The following NAPG variants were observed in gnomAD, a reference collection of about 807,000 sequenced individuals.
NAPG encodes the protein gamma-soluble NSF attachment protein.
A neutral mutation model predicts 48.4 loss-of-function variants in NAPG; 25 were observed. The ratio of observed to expected loss-of-function variants is 0.52; its 90% confidence interval spans 0.38 to 0.72. NAPG has a LOEUF of 0.72. Ranked by LOEUF, NAPG falls within the 30% of genes least tolerant of loss-of-function variation. The pLI, the probability that NAPG is intolerant of heterozygous loss-of-function variation, is 0.00. For synonymous variants in NAPG, 139 were observed against 127.2 expected (o/e 1.09, Z -0.62); for missense variants, 359 against 372.5 (o/e 0.96, Z 0.30).
rs1326331029 is a variant in NAPG, at chr18:10,543,373, A to T, written c.507-2953A>T. 6.6e-6 allele frequency among the ~76,000 whole-genome samples: 1 copy of T among 152,116 alleles called. No homozygotes were observed. Among genetic ancestry groups the T allele is most frequent in the Non-Finnish European group, 1.5e-5 (1 of 68,006 alleles). On this transcript the variant is annotated intron_variant, in intron 8 of 11. Coordinates refer to ENST00000322897, the MANE Select transcript of NAPG (RefSeq NM_003826.3). The surrounding 1 kb of genome is among the most constrained non-coding windows in gnomAD (Gnocchi z 4.4). ...GGGTGTGTATATGTTCAGGGGTGGGATGTGTGCTATTAAGGAGAATCACTG... is the reference window on the plus strand; with the variant it reads ...GGGTGTGTATATGTTCAGGGGTGGGTTGTGTGCTATTAAGGAGAATCACTG...
intron 1 of NAPG, among the ~76,000 whole-genome samples, chr18:10,528,376 G>A (rs1349521827): frequency 6.6e-6 from 1 of 152,174 alleles, no homozygotes; most frequent in African/African-American, 2.4e-5. Context: ...GGGCAGACAA[G>A]TTAACAGAGG....
Position 10,534,991 on chromosome 18 carries a change from T to C in NAPG, c.258+495T>C, listed in dbSNP as rs1047315870. 2.6e-5 allele frequency among the ~76,000 whole-genome samples: 4 copies of C among 152,274 alleles called. No homozygotes were observed. The highest frequency in any genetic ancestry group is 2.6e-4 in the Admixed American group (4 of 15,280). ...ACTAATGTACCTGTGCCACTGTTTG[T>C]ACTTCTGCTCCTCAAAAGCAGGCCA... is the stretch of plus-strand genomic sequence containing the variant. On this transcript the variant is annotated intron_variant, in intron 5 of 11. Transcript: ENST00000322897. This position sits in a 1 kb window ranked among gnomAD's most constrained non-coding sequence, Gnocchi z 5.0.
Position 10,550,229 on chromosome 18 carries a change from T to G in NAPG, c.*9T>G, listed in dbSNP as rs2032360108. On this transcript the variant is annotated 3_prime_UTR_variant, in exon 12 of 12. Transcript: ENST00000322897. ...CAGGAGGACTATGCTAGTATTTTGCTTGCTGAAAAGAAAAGGGAAACAAAG... is the reference window on the plus strand; with the variant it reads ...CAGGAGGACTATGCTAGTATTTTGCGTGCTGAAAAGAAAAGGGAAACAAAG... 2 of 1,564,766 alleles carry G rather than the reference T, an allele frequency of 1.3e-6. No homozygotes were observed. The highest frequency in any genetic ancestry group is 2.8e-5 in the African/African-American group (2 of 71,546).
chr18:10,529,073 T>A (rs530656742), intron 1 of NAPG, among the ~76,000 whole-genome samples: 4 of 152,240 alleles, frequency 2.6e-5, no homozygotes, highest in Non-Finnish European at 5.9e-5. Context: ...AAATTAGCTG[T>A]ATATCTTTCT....
chr18:10,538,456 A>G (rs2032080802), intron 5 of NAPG, among the ~76,000 whole-genome samples: 1 of 152,194 alleles, frequency 6.6e-6, no homozygotes, highest in Admixed American at 6.5e-5. Flanking sequence ...TACTGCATGG[A>G]TCAAGCAAAA....
rs929157629 is a variant in NAPG, at chr18:10,533,652, A to G, written c.227+99A>G. Reference sequence around the variant, plus strand: ...TTTTTTCCCAAATTATAAATTTTGTATTGATTTAAATAATAATCATTTCTC... The same window carrying G: ...TTTTTTCCCAAATTATAAATTTTGTGTTGATTTAAATAATAATCATTTCTC... On this transcript the variant is annotated intron_variant, in intron 4 of 11. Transcript: ENST00000322897. 4 of 978,916 alleles carry G rather than the reference A, an allele frequency of 4.1e-6. No individual in the cohort carries two copies. The African/African-American group carries it at 5.1e-5, about 12-fold the overall frequency. The allele number at this position is 978,916 out of a possible 1,614,324, so 60.6% of individuals were successfully genotyped here.
chr18:10,526,505 G>A, intron 1 of NAPG: 3 of 293,566 alleles, frequency 1.0e-5, no homozygotes, highest in South Asian at 5.3e-5. Context: ...TCGGAGGCTC[G>A]TTAGCAGCAT....
At position 10,548,759 on chromosome 18, in the gene NAPG, T is replaced by C. The variant is rs1408882837; in HGVS notation, c.666-208T>C. ...CAACACTGTTAACATTTGGGCTGGATAATTCTTTGTGGTCGGGCCTGTCCT... is the reference window on the plus strand; with the variant it reads ...CAACACTGTTAACATTTGGGCTGGACAATTCTTTGTGGTCGGGCCTGTCCT... On this transcript the variant is annotated intron_variant, in intron 10 of 11. Coordinates refer to ENST00000322897, the MANE Select transcript of NAPG (RefSeq NM_003826.3). This position sits in a 1 kb window ranked among gnomAD's most constrained non-coding sequence, Gnocchi z 4.4. Among the ~76,000 whole-genome samples the C allele has an allele frequency of 2.6e-5, 4 of 152,204 alleles. No individual in the cohort carries two copies. Among genetic ancestry groups the C allele is most frequent in the African/African-American group, 9.7e-5 (4 of 41,446 alleles).
At chr18:10,528,990 A>T (rs2031874981) in intron 1 of NAPG, among the ~76,000 whole-genome samples, 1 of 152,124 alleles carries the variant, frequency 6.6e-6, no homozygotes, top group African/African-American at 2.4e-5. Context: ...TTTTCTGTGG[A>T]AATTGGTCAG....
chr18:10,547,288 C>A (rs2032289510), intron 9 of NAPG, among the ~76,000 whole-genome samples: 1 of 152,200 alleles, frequency 6.6e-6, no homozygotes, highest in East Asian at 1.9e-4. Context: ...GGGTGATTAC[C>A]TGCTGAAAAC....
chr18:10,541,545 G>T (rs2032157668), intron 8 of NAPG, among the ~76,000 whole-genome samples: 1 of 152,168 alleles, frequency 6.6e-6, no homozygotes, highest in Non-Finnish European at 1.5e-5. Context: ...GAACTGTGAG[G>T]TGATACCAAG....
Position 10,542,185 on chromosome 18 carries a change from A to G in NAPG, c.506+1786A>G, listed in dbSNP as rs1368223721. Among the ~76,000 whole-genome samples the G allele has an allele frequency of 6.6e-6, 1 of 151,824 alleles. No individual in the cohort carries two copies. The highest frequency in any genetic ancestry group is 1.9e-4 in the East Asian group (1 of 5,194). ...CTGCGTAGATGTGCTCAAAGGGCAC[A>G]TTTATAAATCCAGGGCTTTTATTCG... On this transcript the variant is annotated intron_variant, in intron 8 of 11. Coordinates refer to ENST00000322897, the MANE Select transcript of NAPG (RefSeq NM_003826.3). This position sits in a 1 kb window ranked among gnomAD's most constrained non-coding sequence, Gnocchi z 4.5.
chr18:10,531,687 T>C (rs2143095768), intron 2 of NAPG, among the ~76,000 whole-genome samples: 1 of 152,362 alleles, frequency 6.6e-6, no homozygotes, highest in African/African-American at 2.4e-5. Flanking sequence ...GTTCAAACTT[T>C]GTATGAATTT....
chr18:10,546,463 G>GA lies in NAPG; in HGVS notation c.585+61dup. 1 of 936,748 alleles carries GA rather than the reference G, an allele frequency of 1.1e-6. No individual in the cohort carries two copies. The highest frequency in any genetic ancestry group is 1.6e-6 in the Non-Finnish European group (1 of 627,318). 58.0% of individuals were successfully genotyped at this position (936,748 alleles called of 1,614,324 possible). On this transcript the variant is annotated intron_variant, in intron 9 of 11. Coordinates refer to ENST00000322897, the MANE Select transcript of NAPG (RefSeq NM_003826.3). The surrounding 1 kb of genome is among the most constrained non-coding windows in gnomAD (Gnocchi z 4.0). ...ATTAGATGATTTTTTATACTGGTATGAATAAGTACTTAAGAAAGGATTCTA... is the reference window on the plus strand; with the variant it reads ...ATTAGATGATTTTTTATACTGGTATGAAATAAGTACTTAAGAAAGGATTCTA...
chr18:10,540,622 C>A (rs769792580), intron 8 of NAPG: 1 of 399,614 alleles, frequency 2.5e-6, no homozygotes, highest in Non-Finnish European at 4.4e-6. Flanking sequence ...TTATCATGCA[C>A]TGTGCTTTTA....
chr18:10,548,551 T>C lies in NAPG; in HGVS notation c.665+173T>C, dbSNP rs484551. ...GGGTGTTTTACACCTTTTTTTTTTTTCCCTTTCCTGTATTTTTCTCTAGGG... is the reference window on the plus strand; with the variant it reads ...GGGTGTTTTACACCTTTTTTTTTTTCCCCTTTCCTGTATTTTTCTCTAGGG... On this transcript the variant is annotated intron_variant, in intron 10 of 11. Coordinates refer to ENST00000322897, the MANE Select transcript of NAPG (RefSeq NM_003826.3). This position sits in a 1 kb window ranked among gnomAD's most constrained non-coding sequence, Gnocchi z 4.4. Among the ~76,000 whole-genome samples the C allele has an allele frequency of 6.6e-5, 10 of 151,636 alleles. No homozygotes were observed. Among genetic ancestry groups the C allele is most frequent in the Admixed American group, 2.0e-4 (3 of 15,254 alleles).
rs185893522 is a variant in NAPG, at chr18:10,526,917, C to T, written c.56+759C>T. ...GAAAGTCAGCATTGTGGGCCGGGCG[C>T]GGTGGCTCACGTCTGCAATCCCAGC... On this transcript the variant is annotated intron_variant, in intron 1 of 11. Transcript: ENST00000322897. 5.3e-3 allele frequency among the ~76,000 whole-genome samples: 801 copies of T among 151,976 alleles called. 4 individuals carry two copies. The highest frequency in any genetic ancestry group is 0.018 in the African/African-American group (753 of 41,398).
Position 10,532,642 on chromosome 18 carries a change from G to T in NAPG, c.125-69G>T. 8 of 1,160,116 alleles carry T rather than the reference G, an allele frequency of 6.9e-6. No homozygotes were observed. In the South Asian group the frequency reaches 1.0e-4, roughly 15 times the overall value. The allele number at this position is 1,160,116 out of a possible 1,614,324, so 71.9% of individuals were successfully genotyped here. On this transcript the variant is annotated intron_variant, in intron 2 of 11. Coordinates refer to ENST00000322897, the MANE Select transcript of NAPG (RefSeq NM_003826.3). The stretch of plus-strand genomic sequence containing the variant: ...ATGTTTATAATACTTCATATAAAAT[G>T]CAGATTTCAGTAATGATTCATTTGA...
At chr18:10,537,102 G>T (rs575237364) in intron 5 of NAPG, among the ~76,000 whole-genome samples, 1 of 152,002 alleles carries the variant, frequency 6.6e-6, no homozygotes, top group Non-Finnish European at 1.5e-5. Context: ...GACTATAGGT[G>T]CATGTCACCA....
Sources: gnomAD v4.1 joint callset for allele counts (sites outside exome capture counted in the v4.1 genomes callset) on GRCh38, gnomAD v4.1.1 for gene constraint, Gnocchi (gnomAD v3.1) non-coding constraint, MANE v1.5 for transcripts, NCBI Gene and HGNC (gene_info 2026-07-23, HGNC 2026-07-21) for gene names.